The following KCNT2 variants were observed in gnomAD, a reference collection of about 807,000 sequenced individuals.
KCNT2 encodes potassium channel subfamily T member 2.
A neutral mutation model predicts 153.8 loss-of-function variants in KCNT2; 67 were observed. That is an observed-to-expected ratio of 0.44 (90% confidence interval 0.36 to 0.53). KCNT2 has a LOEUF of 0.53. Ranked by LOEUF, KCNT2 falls within the 20% of genes least tolerant of loss-of-function variation. The probability of loss-of-function intolerance (pLI) is 0.00; values close to 1 mark genes in which losing one functional copy is unlikely to be tolerated. For synonymous variants in KCNT2, 500 were observed against 458.8 expected (o/e 1.09, Z -1.15); for missense variants, 975 against 1,354.8 (o/e 0.72, Z 4.40).
At chr1:196,456,107 T>C (rs372795298) in intron 8 of KCNT2, among the ~76,000 whole-genome samples, 1 of 152,032 alleles carries the variant, frequency 6.6e-6, no homozygotes, top group Non-Finnish European at 1.5e-5. Context: ...TGCTTCCTTC[T>C]TGGCACTTTT....
At chr1:196,501,852 C>A (rs1408211767) in intron 1 of KCNT2, among the ~76,000 whole-genome samples, 1 of 152,210 alleles carries the variant, frequency 6.6e-6, no homozygotes, top group Non-Finnish European at 1.5e-5. Flanking sequence ...GGAGCGATGG[C>A]TCATGCTTGT....
intron 22 of KCNT2, among the ~76,000 whole-genome samples, chr1:196,295,583 A>G (rs1261870005): frequency 1.3e-5 from 2 of 152,032 alleles, no homozygotes; most frequent in Admixed American, 1.3e-4. Flanking sequence ...ATTTTTGAAC[A>G]GAAAAGGTTA....
intron 13 of KCNT2, among the ~76,000 whole-genome samples, chr1:196,375,990 C>T (rs1369296884): frequency 6.6e-6 from 1 of 151,816 alleles, no homozygotes; most frequent in East Asian, 1.9e-4. Context: ...AAAAATAGAA[C>T]TGCTTCTATA....
intron 1 of KCNT2, among the ~76,000 whole-genome samples, chr1:196,593,053 G>A (rs1375941287): frequency 6.7e-6 from 1 of 150,272 alleles, no homozygotes; most frequent in Non-Finnish European, 1.5e-5. Flanking sequence ...AACACAATTT[G>A]TAGTCTTTTA....
intron 27 of KCNT2, among the ~76,000 whole-genome samples, chr1:196,234,199 C>G (rs931325566): frequency 2.0e-5 from 3 of 151,066 alleles, no homozygotes; most frequent in Non-Finnish European, 3.0e-5. Flanking sequence ...TATCAATAAA[C>G]TTAATTAATT....
intron 12 of KCNT2, among the ~76,000 whole-genome samples, chr1:196,416,422 T>C (rs534573721): frequency 6.6e-6 from 1 of 152,040 alleles, no homozygotes; most frequent in Non-Finnish European, 1.5e-5. Context: ...AATTAGTGCA[T>C]AGTATATATA....
chr1:196,409,509 AAAT>A (rs1255658813), intron 12 of KCNT2, among the ~76,000 whole-genome samples: 7 of 151,630 alleles, frequency 4.6e-5, no homozygotes, highest in Non-Finnish European at 7.4e-5. Flanking sequence ...TTTAAACAGT[AAAT>A]AATATTTTTA....
chr1:196,495,196 G>T (rs1357851509), intron 1 of KCNT2, among the ~76,000 whole-genome samples: 3 of 151,622 alleles, frequency 2.0e-5, no homozygotes, highest in Non-Finnish European at 4.4e-5. Flanking sequence ...AATGTTTTTT[G>T]ATACATGACT....
intron 13 of KCNT2, among the ~76,000 whole-genome samples, chr1:196,384,680 C>T (rs377342418): frequency 7.1e-6 from 1 of 141,582 alleles, no homozygotes; most frequent in East Asian, 2.0e-4. Flanking sequence ...AGCCTGCAGC[C>T]TGGGTGACAG....
intron 1 of KCNT2, among the ~76,000 whole-genome samples, chr1:196,546,376 A>T (rs1240304779): frequency 6.6e-6 from 1 of 152,084 alleles, no homozygotes; most frequent in Non-Finnish European, 1.5e-5. Context: ...CTTCTGAAAG[A>T]TGGAGTGTAA....
intron 1 of KCNT2, among the ~76,000 whole-genome samples, chr1:196,567,339 T>C (rs1211545114): frequency 1.3e-5 from 2 of 152,172 alleles, no homozygotes; most frequent in African/African-American, 4.8e-5. Context: ...TCCTTATCTG[T>C]CAAGGGCAAA....
chr1:196,322,686 T>G (rs1663445322), intron 19 of KCNT2, among the ~76,000 whole-genome samples: 1 of 152,020 alleles, frequency 6.6e-6, no homozygotes, highest in South Asian at 2.1e-4. Flanking sequence ...TCAAGGCCAT[T>G]ATTTTGTTCC....
chr1:196,574,572 C>A (rs1417056551), intron 1 of KCNT2, among the ~76,000 whole-genome samples: 1 of 151,626 alleles, frequency 6.6e-6, no homozygotes, highest in Admixed American at 6.6e-5. Context: ...AAGCAGAATA[C>A]GTTAAATATT....
chr1:196,338,199 G>A (rs1665226864), intron 16 of KCNT2, among the ~76,000 whole-genome samples: 1 of 151,984 alleles, frequency 6.6e-6, no homozygotes, highest in African/African-American at 2.4e-5. Flanking sequence ...CATTACTTAG[G>A]GAATGTTGGG....
In KCNT2 at chr1:196,399,195, A is replaced by C. The variant is rs369625307; in HGVS notation, c.1186-524T>G. 3.3e-5 allele frequency among the ~76,000 whole-genome samples: 5 copies of C among 151,746 alleles called. No homozygotes were observed. The East Asian group carries it at 9.8e-4, about 30-fold the overall frequency. On this transcript the variant is annotated intron_variant, in intron 12 of 27. Transcript: ENST00000294725. Reference sequence around the variant, plus strand: ...AAAATACATCAAAAAAAGTTTTTAAAAAGACACTTAAAGTAAGAAAAGGAA... The same window carrying C: ...AAAATACATCAAAAAAAGTTTTTAACAAGACACTTAAAGTAAGAAAAGGAA...
intron 8 of KCNT2, 137 bp downstream of exon 8, chr1:196,465,156 G>T (rs983431251): frequency 2.4e-5 from 14 of 575,524 alleles, no homozygotes; most frequent in Non-Finnish European, 4.0e-5. Flanking sequence ...TTCTGTAGGC[G>T]ATCTGTTACA....
chr1:196,320,344 C>T (rs1663166390), intron 19 of KCNT2, among the ~76,000 whole-genome samples: 1 of 151,642 alleles, frequency 6.6e-6, no homozygotes, highest in Admixed American at 6.6e-5. Flanking sequence ...TTAACACATT[C>T]AGGTATATGC....
chr1:196,526,389 A>G (rs1486016617), intron 1 of KCNT2, among the ~76,000 whole-genome samples: 1 of 151,414 alleles, frequency 6.6e-6, no homozygotes, highest in African/African-American at 2.4e-5. Flanking sequence ...TAAATTATAC[A>G]TATATAATTT....
chr1:196,579,531 T>A (rs949730942), intron 1 of KCNT2, among the ~76,000 whole-genome samples: 19 of 152,162 alleles, frequency 1.2e-4, no homozygotes, highest in African/African-American at 4.6e-4. Context: ...TCTCACTTTG[T>A]CACCCAGGTT....
Sources: gnomAD v4.1 joint callset for allele counts (sites outside exome capture counted in the v4.1 genomes callset) on GRCh38, gnomAD v4.1.1 for gene constraint, MANE v1.5 for transcripts, NCBI Gene and HGNC (gene_info 2026-07-23, HGNC 2026-07-21) for gene names.